TGFBR1: variants seen among roughly 807,000 people sequenced by gnomAD.
The protein encoded by TGFBR1 is transforming growth factor beta receptor 1, also known as TGF-beta receptor type-1.
A neutral mutation model predicts 55.1 loss-of-function variants in TGFBR1; 20 were observed. The observed-to-expected ratio is 0.36, with a 90% CI of 0.26 to 0.53. The LOEUF is 0.53. Ranked by LOEUF, TGFBR1 falls within the 20% of genes least tolerant of loss-of-function variation. The pLI is 0.91. For synonymous variants in TGFBR1, 220 were observed against 214.8 expected (o/e 1.02, Z -0.21); for missense variants, 385 against 617.6 (o/e 0.62, Z 3.99).
Position 99,146,623 on chromosome 9 carries a change from C to T in TGFBR1, c.1255+14C>T. On this transcript the variant is annotated intron_variant, in intron 7 of 8. Transcript: ENST00000374994. Reference sequence around the variant, plus strand: ...GTTCCATTGGTGGTAAATTGCTCTCCTCTCCCCCAGTAGTTTGTCATGAGC... The same window carrying T: ...GTTCCATTGGTGGTAAATTGCTCTCTTCTCCCCCAGTAGTTTGTCATGAGC... 6.2e-7 allele frequency: 1 copy of T among 1,613,802 alleles called. No individual in the cohort carries two copies. Among genetic ancestry groups the T allele is most frequent in the Non-Finnish European group, 8.5e-7 (1 of 1,179,798 alleles).
At chr9:99,131,964 A>G (rs983832162) in intron 2 of TGFBR1, among the ~76,000 whole-genome samples, 5 of 151,322 alleles carry the variant, frequency 3.3e-5, no homozygotes, top group Admixed American at 2.6e-4. Context: ...GTGAAAATCC[A>G]TCTCAAAAAA....
At chr9:99,117,197 C>G (rs1488723168) in intron 1 of TGFBR1, among the ~76,000 whole-genome samples, 2 of 152,044 alleles carry the variant, frequency 1.3e-5, no homozygotes, top group African/African-American at 4.8e-5. Context: ...AAGTGATTCT[C>G]CTGTCTCAGC....
chr9:99,137,539 T>C (rs1827474690), intron 3 of TGFBR1, among the ~76,000 whole-genome samples: 1 of 152,188 alleles, frequency 6.6e-6, no homozygotes, highest in Non-Finnish European at 1.5e-5. Flanking sequence ...AAATGTGTCA[T>C]TCATTTCCCT....
chr9:99,134,802 T>TCATATATA (rs1554700024), intron 3 of TGFBR1, among the ~76,000 whole-genome samples: 1 of 41,384 alleles, frequency 2.4e-5, no homozygotes, highest in Admixed American at 2.9e-4. Context: ...TCTGTTTCCA[T>TCATATATA]TATATATATA....
In TGFBR1 at chr9:99,150,722, G is replaced by A; in HGVS notation, c.*1417G>A. The A allele has an allele frequency of 4.7e-6, 1 of 212,770 alleles. No homozygotes were observed. Among genetic ancestry groups the A allele is most frequent in the Middle Eastern group, 1.5e-3 (1 of 670 alleles). 13.2% of individuals were successfully genotyped at this position (212,770 alleles called of 1,614,324 possible). A position where few individuals can be genotyped will look rare whatever the true frequency, so the allele number is the denominator to read the frequency against. On this transcript the variant is annotated 3_prime_UTR_variant, in exon 9 of 9. Transcript: ENST00000374994. ...TATGTAATGCATTCAGTGCACCCTT[G>A]TTACTTGGGAGAGGTGGTAGCTAAA...
At chr9:99,147,516 TAGAG>T (rs1181218208) in intron 7 of TGFBR1, 134 bp from the exon 8 acceptor site, 2 of 792,320 alleles carry the variant, frequency 2.5e-6, no homozygotes, top group African/African-American at 3.4e-5. Flanking sequence ...GTGGATGAGA[TAGAG>T]AAAGCTGTAA....
chr9:99,140,188 C>G (rs1190978267), intron 4 of TGFBR1, among the ~76,000 whole-genome samples: 2 of 152,130 alleles, frequency 1.3e-5, no homozygotes, highest in South Asian at 4.1e-4. Flanking sequence ...CAGTGGCTCA[C>G]GCCTGTAATC....
intron 4 of TGFBR1, among the ~76,000 whole-genome samples, chr9:99,139,765 T>C (rs986535637): frequency 6.6e-6 from 1 of 152,242 alleles, no homozygotes; most frequent in Non-Finnish European, 1.5e-5. Flanking sequence ...TGATTCTAAG[T>C]CCACAAGTTA....
chr9:99,113,602 T>C (rs927286739), intron 1 of TGFBR1, among the ~76,000 whole-genome samples: 2 of 152,208 alleles, frequency 1.3e-5, no homozygotes, highest in Admixed American at 6.5e-5. Flanking sequence ...AAGAGGATAG[T>C]TCCTAATTTA....
In TGFBR1 at chr9:99,137,841, A is replaced by G. The variant is rs1462573406; in HGVS notation, c.575-18A>G. ...AATATTGTTGATTGTGTTGAGTACT[A>G]TTTATTTTTACCTTTAGGTTTACCA... On this transcript the variant is annotated intron_variant, in intron 3 of 8. Coordinates refer to ENST00000374994, the MANE Select transcript of TGFBR1 (RefSeq NM_004612.4). The G allele has an allele frequency of 1.4e-5, 22 of 1,599,024 alleles. No individual in the cohort carries two copies. Among genetic ancestry groups the G allele is most frequent in the Admixed American group, 3.3e-5 (2 of 59,950 alleles).
At chr9:99,139,508 C>T (rs1424094654) in intron 4 of TGFBR1, among the ~76,000 whole-genome samples, 2 of 152,174 alleles carry the variant, frequency 1.3e-5, no homozygotes, top group Non-Finnish European at 2.9e-5. Context: ...GTTGTCAGGT[C>T]ACTGCCAATC....
chr9:99,132,526 C>T lies in TGFBR1; in HGVS notation c.361C>T (p.Leu121Phe). 1 of 1,614,144 alleles carries T rather than the reference C, an allele frequency of 6.2e-7. No individual in the cohort carries two copies. Among genetic ancestry groups the T allele is most frequent in the Non-Finnish European group, 8.5e-7 (1 of 1,180,028 alleles). ...TTTTTCAGTAAAGTCATCACCTGGCCTTGGTCCTGTGGAACTGGCAGCTGT... is the reference window on the plus strand; with the variant it reads ...TTTTTCAGTAAAGTCATCACCTGGCTTTGGTCCTGTGGAACTGGCAGCTGT... ...LPTTVKSSPG[L>F]GPVELAAVIA... The change falls in exon 3 of 9, where the codon CTT becomes TTT. Residue 121 changes from leucine (L) to phenylalanine (F), a missense_variant. By Grantham distance (22) the Leu-to-Phe change is conservative (BLOSUM62 0). Transcript: ENST00000374994.
intron 1 of TGFBR1, among the ~76,000 whole-genome samples, chr9:99,109,665 C>G (rs928184004): frequency 5.3e-5 from 8 of 152,186 alleles, no homozygotes; most frequent in African/African-American, 9.7e-5. Context: ...TTGCAAATGT[C>G]GACACACCTC....
At chr9:99,134,759 T>G (rs2118659532) in intron 3 of TGFBR1, among the ~76,000 whole-genome samples, 1 of 142,024 alleles carries the variant, frequency 7.0e-6, no homozygotes. Flanking sequence ...CATTAACCTT[T>G]TAAGATATAA....
intron 2 of TGFBR1, among the ~76,000 whole-genome samples, chr9:99,130,739 A>G (rs1820641453): frequency 6.6e-6 from 1 of 152,256 alleles, no homozygotes; most frequent in Non-Finnish European, 1.5e-5. Flanking sequence ...ATTAGATGTC[A>G]TCCTGTGAAA....
intron 1 of TGFBR1, among the ~76,000 whole-genome samples, chr9:99,112,822 C>T (rs1826624021): frequency 6.6e-6 from 1 of 152,104 alleles, no homozygotes; most frequent in Non-Finnish European, 1.5e-5. Flanking sequence ...AATAAAATTG[C>T]TCAGTAGTCA....
intron 4 of TGFBR1, among the ~76,000 whole-genome samples, chr9:99,140,322 G>A (rs1268995954): frequency 6.6e-6 from 1 of 152,138 alleles, no homozygotes; most frequent in Non-Finnish European, 1.5e-5. Flanking sequence ...AGGCATGATG[G>A]CAGGTGCCTA....
chr9:99,132,844 A>G (rs190215338), intron 3 of TGFBR1, 105 bp downstream of exon 3: 24 of 1,428,608 alleles, frequency 1.7e-5, no homozygotes, highest in Non-Finnish European at 2.3e-5. Flanking sequence ...GTGAGATAGT[A>G]TAAATAATAT....
At chr9:99,145,689 G>A (rs1407746088) in intron 6 of TGFBR1, among the ~76,000 whole-genome samples, 1 of 152,150 alleles carries the variant, frequency 6.6e-6, no homozygotes, top group Non-Finnish European at 1.5e-5. Flanking sequence ...AGCTTCATGT[G>A]GATGATAAGC....
Sources: allele counts gnomAD v4.1 joint callset (sites outside exome capture counted in the v4.1 genomes callset), GRCh38; gene constraint gnomAD v4.1.1; transcripts MANE v1.5; gene names NCBI Gene and HGNC (gene_info 2026-07-23, HGNC 2026-07-21).